Variants in BRINP3 observed in about 807,000 individuals in gnomAD.
BRINP3 encodes BMP/retinoic acid-inducible neural-specific protein 3.
A neutral mutation model predicts 71.0 loss-of-function variants in BRINP3; 19 were observed. The ratio of observed to expected loss-of-function variants is 0.27; its 90% CI spans 0.19 to 0.39. BRINP3 has a LOEUF of 0.39. BRINP3 is among the 10% of genes least tolerant of loss of function. The pLI, the probability that BRINP3 is intolerant of heterozygous loss-of-function variation, is 1.00. For missense variants in BRINP3, 959 were observed against 940.8 expected, an observed-to-expected ratio of 1.02 and a Z score of -0.25; for synonymous variants, 380 against 337.7, an observed-to-expected ratio of 1.13 and a Z score of -1.37.
In BRINP3 at chr1:190,373,972, T is replaced by C. The variant is rs140339602; in HGVS notation, c.236+80683A>G. On this transcript the variant is annotated intron_variant, in intron 2 of 7. Coordinates refer to ENST00000367462, the MANE Select transcript of BRINP3 (RefSeq NM_199051.3). ...GTAGCCCAAGAAGCTATTACTGCTCTGGAGCCAATTGCACAGGGTTTGAAT... is the reference window on the plus strand; with the variant it reads ...GTAGCCCAAGAAGCTATTACTGCTCCGGAGCCAATTGCACAGGGTTTGAAT... Among the ~76,000 whole-genome samples, 3 of 151,474 alleles carry C rather than the reference T, an allele frequency of 2.0e-5. No individual in the cohort carries two copies. The East Asian group carries it at 6.1e-4, about 31-fold the overall frequency.
chr1:190,288,317 AAG>A lies in BRINP3; in HGVS notation c.237-6569_237-6568del, dbSNP rs912444175. ...AAATATTTAGTCTGTTTCTGATAAAAAGAGATACATGGAATGTTTTTATTTTA... is the reference window on the plus strand; with the variant it reads ...AAATATTTAGTCTGTTTCTGATAAAAAGATACATGGAATGTTTTTATTTTA... On this transcript the variant is annotated intron_variant, in intron 2 of 7. Coordinates refer to ENST00000367462, the MANE Select transcript of BRINP3 (RefSeq NM_199051.3). 1.9e-3 allele frequency among the ~76,000 whole-genome samples: 292 copies of A among 152,110 alleles called. 1 individual carries two copies. Among genetic ancestry groups the A allele is most frequent in the African/African-American group, 6.2e-3 (256 of 41,560 alleles).
intron 7 of BRINP3, among the ~76,000 whole-genome samples, chr1:190,130,215 C>T (rs577962338): frequency 2.0e-5 from 3 of 151,876 alleles, no homozygotes; most frequent in African/African-American, 7.2e-5. Context: ...TATTAATTGA[C>T]AAATAAACAA....
chr1:190,401,222 G>C (rs751776343), intron 2 of BRINP3, among the ~76,000 whole-genome samples: 1 of 151,788 alleles, frequency 6.6e-6, no homozygotes, highest in Non-Finnish European at 1.5e-5. Flanking sequence ...GCTGGGCATC[G>C]TGTTGGGCGC....
chr1:190,278,453 A>G (rs1662782861), intron 3 of BRINP3, among the ~76,000 whole-genome samples: 1 of 151,690 alleles, frequency 6.6e-6, no homozygotes. Flanking sequence ...CACAGCCACT[A>G]AAAAGATTTT....
intron 2 of BRINP3, among the ~76,000 whole-genome samples, chr1:190,415,013 G>A (rs536531089): frequency 1.3e-5 from 2 of 152,236 alleles, no homozygotes; most frequent in African/African-American, 4.8e-5. Flanking sequence ...TATTTTAAGT[G>A]CTTAGTTAAA....
chr1:190,239,588 T>C (rs757743047), intron 4 of BRINP3, among the ~76,000 whole-genome samples: 1 of 152,110 alleles, frequency 6.6e-6, no homozygotes, highest in Non-Finnish European at 1.5e-5. Flanking sequence ...GTTGCTGAAA[T>C]GTTTTCAAAT....
chr1:190,384,263 T>A (rs1236149774), intron 2 of BRINP3, among the ~76,000 whole-genome samples: 1 of 151,844 alleles, frequency 6.6e-6, no homozygotes, highest in Admixed American at 6.6e-5. Context: ...AAAGAAAATC[T>A]ATTATTTTAT....
chr1:190,352,885 C>A (rs992856069), intron 2 of BRINP3, among the ~76,000 whole-genome samples: 1 of 151,658 alleles, frequency 6.6e-6, no homozygotes, highest in African/African-American at 2.4e-5. Flanking sequence ...ATGTCTCTCT[C>A]ACACATGCAT....
chr1:190,142,981 G>C (rs937387519), intron 7 of BRINP3, among the ~76,000 whole-genome samples: 9 of 152,110 alleles, frequency 5.9e-5, no homozygotes, highest in African/African-American at 2.2e-4. Flanking sequence ...ATTTTGGCTT[G>C]AGTTTTCTGT....
intron 2 of BRINP3, among the ~76,000 whole-genome samples, chr1:190,360,526 T>C (rs567242184): frequency 6.6e-6 from 1 of 152,318 alleles, no homozygotes; most frequent in African/African-American, 2.4e-5. Context: ...GTGCGTTACA[T>C]ATGAATTCTT....
rs1053962960 is a variant in BRINP3, at chr1:190,276,776, G to T, written c.427+4784C>A. ...GAATTTTTTATTCCAACAATGAAGA[G>T]AATTTTTTTTGTATTGAAACAAAAT... On this transcript the variant is annotated intron_variant, in intron 3 of 7. Coordinates refer to ENST00000367462, the MANE Select transcript of BRINP3 (RefSeq NM_199051.3). 1.5e-4 allele frequency among the ~76,000 whole-genome samples: 23 copies of T among 150,798 alleles called. No individual in the cohort carries two copies. In the Middle Eastern group the frequency reaches 0.018, roughly 116 times the overall value.
At chr1:190,276,966 A>G (rs1662607653) in intron 3 of BRINP3, among the ~76,000 whole-genome samples, 1 of 149,286 alleles carries the variant, frequency 6.7e-6, no homozygotes, top group Admixed American at 6.7e-5. Flanking sequence ...TGTACATTCA[A>G]TAACAGTGGT....
chr1:190,098,338 T>C lies in BRINP3; in HGVS notation c.1981A>G (p.Met661Val). Reference sequence around the variant, plus strand: ...AACACTTGAATGTTATTGATTTTCATATAGCCCAGGTTCCGGGAAGGGTCA... The same window carrying C: ...AACACTTGAATGTTATTGATTTTCACATAGCCCAGGTTCCGGGAAGGGTCA... ...FIDPSRNLGYMKINNIQVFGY... is the reference protein window; with the variant it reads ...FIDPSRNLGYVKINNIQVFGY... Residue 661 changes from methionine to valine, a missense_variant, in exon 8 of 8, where the codon ATG (methionine) becomes GTG (valine). Coordinates refer to ENST00000367462, the MANE Select transcript of BRINP3 (RefSeq NM_199051.3). 6.2e-7 allele frequency: 1 copy of C among 1,614,152 alleles called. No individual in the cohort carries two copies. The highest frequency in any genetic ancestry group is 1.3e-5 in the African/African-American group (1 of 75,032).
intron 2 of BRINP3, among the ~76,000 whole-genome samples, chr1:190,357,253 C>CT (rs1161065141): frequency 6.6e-6 from 1 of 151,900 alleles, no homozygotes; most frequent in African/African-American, 2.4e-5. Flanking sequence ...AATTGACCGC[C>CT]TTGAGTGAAC....
intron 2 of BRINP3, among the ~76,000 whole-genome samples, chr1:190,449,729 G>T (rs892968746): frequency 6.6e-6 from 1 of 152,150 alleles, no homozygotes; most frequent in Non-Finnish European, 1.5e-5. Context: ...CTGATATGTA[G>T]TGGTTTGGGC....
At chr1:190,185,694 G>T (rs752346340) in intron 6 of BRINP3, among the ~76,000 whole-genome samples, 2 of 151,982 alleles carry the variant, frequency 1.3e-5, no homozygotes, top group Non-Finnish European at 2.9e-5. Flanking sequence ...CCATCTACTA[G>T]ATTATAGTAC....
intron 2 of BRINP3, among the ~76,000 whole-genome samples, chr1:190,377,316 T>C (rs1340186921): frequency 1.3e-5 from 2 of 151,888 alleles, no homozygotes; most frequent in African/African-American, 2.4e-5. Context: ...TTAGACCGTT[T>C]TCCAGACGGC....
intron 6 of BRINP3, among the ~76,000 whole-genome samples, chr1:190,221,561 A>G (rs1202148612): frequency 6.6e-6 from 1 of 152,166 alleles, no homozygotes; most frequent in Non-Finnish European, 1.5e-5. Context: ...GTGTGCACTT[A>G]TTTATCAATA....
intron 1 of BRINP3, among the ~76,000 whole-genome samples, chr1:190,455,885 A>G (rs2102634168): frequency 6.6e-6 from 1 of 152,298 alleles, no homozygotes; most frequent in East Asian, 1.9e-4. Flanking sequence ...AAAGCTGCTG[A>G]TGCAATGTCT....
Sources: gnomAD v4.1 joint callset for allele counts (sites outside exome capture counted in the v4.1 genomes callset) on GRCh38, gnomAD v4.1.1 for gene constraint, MANE v1.5 for transcripts, NCBI Gene and HGNC (gene_info 2026-07-23, HGNC 2026-07-21) for gene names.